CISD2: variants seen among roughly 807,000 people sequenced by gnomAD.
CISD2 encodes the protein CDGSH iron sulfur domain 2, also known as CDGSH iron-sulfur domain-containing protein 2.
Under a neutral mutation model 12.9 loss-of-function variants are expected in CISD2, and 1 was observed. That is an observed-to-expected ratio of 0.08 (90% CI 0.03 to 0.37). CISD2 has a LOEUF of 0.37. Ranked by LOEUF, CISD2 falls within the 10% of genes least tolerant of loss-of-function variation. The pLI, the probability that CISD2 is intolerant of heterozygous loss-of-function variation, is 0.99. For missense variants in CISD2, 97 were observed against 163.1 expected (o/e 0.59, Z 2.21); for synonymous variants, 50 against 60.6 (o/e 0.83, Z 0.81).
At position 102,892,667 on chromosome 4, in the gene CISD2, CA is replaced by C. The variant is rs1560911130; in HGVS notation, c.*5238del. On this transcript the variant is annotated 3_prime_UTR_variant, in exon 3 of 3. Coordinates refer to ENST00000273986, the MANE Select transcript of CISD2 (RefSeq NM_001008388.5). Reference sequence around the variant, plus strand: ...GAACACTGTTGTCAGATAGATCAGCCATAATGTTAACACATTTCTGATCTCT... The same window carrying C: ...GAACACTGTTGTCAGATAGATCAGCCTAATGTTAACACATTTCTGATCTCT... The C allele has an allele frequency of 6.6e-6, 1 of 152,076 alleles. No individual in the cohort carries two copies. The highest frequency in any genetic ancestry group is 2.4e-5 in the African/African-American group (1 of 41,398). The allele number at this position is 152,076 out of a possible 1,614,324, so 9.4% of individuals were successfully genotyped here.
chr4:102,879,566 G>C (rs1054884267), intron 1 of CISD2, among the ~76,000 whole-genome samples: 1 of 152,062 alleles, frequency 6.6e-6, no homozygotes, highest in Admixed American at 6.6e-5. Flanking sequence ...GCAGATGGGA[G>C]TTTGAGACCA....
intron 1 of CISD2, among the ~76,000 whole-genome samples, chr4:102,883,125 A>G (rs1312510671): frequency 6.6e-6 from 1 of 152,162 alleles, no homozygotes; most frequent in Non-Finnish European, 1.5e-5. Flanking sequence ...TGTGGAGACA[A>G]TTTAATTCCT....
chr4:102,874,260 C>G (rs1372821861), intron 1 of CISD2, among the ~76,000 whole-genome samples: 1 of 152,016 alleles, frequency 6.6e-6, no homozygotes, highest in Non-Finnish European at 1.5e-5. Flanking sequence ...CATATTCTTA[C>G]AACTGGGAGC....
intron 1 of CISD2, among the ~76,000 whole-genome samples, chr4:102,883,613 T>C (rs1001420760): frequency 3.9e-5 from 6 of 152,234 alleles, no homozygotes; most frequent in Admixed American, 1.3e-4. Context: ...ACAGATCTTA[T>C]ACCTAGGCCT....
chr4:102,884,146 C>G (rs567960568), intron 1 of CISD2, among the ~76,000 whole-genome samples: 4 of 152,212 alleles, frequency 2.6e-5, no homozygotes, highest in Admixed American at 1.3e-4. Context: ...TAACTGACAA[C>G]AGGCTTTGGA....
chr4:102,870,395 A>G (rs1049149155), intron 1 of CISD2, among the ~76,000 whole-genome samples: 1 of 152,088 alleles, frequency 6.6e-6, no homozygotes, highest in Non-Finnish European at 1.5e-5. Flanking sequence ...AACAAACAAA[A>G]AGACTCTGGT....
chr4:102,880,760 A>G (rs1733699584), intron 1 of CISD2, among the ~76,000 whole-genome samples: 1 of 152,170 alleles, frequency 6.6e-6, no homozygotes, highest in East Asian at 1.9e-4. Flanking sequence ...TGAGAGGCCA[A>G]GGTGGGTGGA....
intron 1 of CISD2, among the ~76,000 whole-genome samples, chr4:102,879,122 T>G (rs1003006770): frequency 1.3e-5 from 2 of 151,842 alleles, no homozygotes; most frequent in Admixed American, 1.3e-4. Context: ...ATGGGGGAGA[T>G]TGCCTTGATG....
chr4:102,872,683 T>G (rs929802317), intron 1 of CISD2, among the ~76,000 whole-genome samples: 1 of 151,818 alleles, frequency 6.6e-6, no homozygotes, highest in East Asian at 1.9e-4. Context: ...TTTTAGCTAT[T>G]ATTAAAAAAT....
intron 1 of CISD2, among the ~76,000 whole-genome samples, chr4:102,876,373 A>G (rs1029331656): frequency 6.6e-6 from 1 of 152,206 alleles, no homozygotes; most frequent in Non-Finnish European, 1.5e-5. Context: ...ATAGATATAA[A>G]TAAGACAGCT....
At chr4:102,879,707 G>C (rs1733671149) in intron 1 of CISD2, among the ~76,000 whole-genome samples, 1 of 152,108 alleles carries the variant, frequency 6.6e-6, no homozygotes, top group Non-Finnish European at 1.5e-5. Context: ...GGGAGGCAGA[G>C]GTTGCAGTGA....
chr4:102,880,941 G>A (rs1733704911), intron 1 of CISD2, among the ~76,000 whole-genome samples: 1 of 149,584 alleles, frequency 6.7e-6, no homozygotes, highest in South Asian at 2.1e-4. Context: ...ATTGCAGTGA[G>A]CTAACACGAC....
At chr4:102,882,109 T>C (rs1485953218) in intron 1 of CISD2, among the ~76,000 whole-genome samples, 1 of 152,146 alleles carries the variant, frequency 6.6e-6, no homozygotes, top group Non-Finnish European at 1.5e-5. Flanking sequence ...GGAGGATAGC[T>C]TGTGCCCGGG....
rs1734175040 is a variant in CISD2 at position 102,890,327 on chromosome 4, TC to T, written c.*2899del. On this transcript the variant is annotated 3_prime_UTR_variant, in exon 3 of 3. Coordinates refer to ENST00000273986, the MANE Select transcript of CISD2 (RefSeq NM_001008388.5). ...CTTCCTCATTGTGATTCCATAGTCT[TC>T]CAATAGAAATGTGCTGTCAGAATCT... is the stretch of plus-strand genomic sequence containing the variant. 1 of 152,206 alleles carries T rather than the reference TC, an allele frequency of 6.6e-6. No individual in the cohort carries two copies. Among genetic ancestry groups the T allele is most frequent in the East Asian group, 1.9e-4 (1 of 5,198 alleles). The allele number at this position is 152,206 out of a possible 1,614,324, so 9.4% of individuals were successfully genotyped here.
At chr4:102,870,512 G>T (rs1354656434) in intron 1 of CISD2, among the ~76,000 whole-genome samples, 1 of 152,148 alleles carries the variant, frequency 6.6e-6, no homozygotes, top group East Asian at 1.9e-4. Flanking sequence ...TGAGTGGATT[G>T]TGAGATTTTA....
rs1350279573 is a variant in CISD2, at chr4:102,891,922, T to C, written c.*4492T>C. ...CCTTTGCACCACAGAGGTTGGAGTATAGAATATGCCCAAAGCTGTTTTGTT... is the reference window on the plus strand; with the variant it reads ...CCTTTGCACCACAGAGGTTGGAGTACAGAATATGCCCAAAGCTGTTTTGTT... On this transcript the variant is annotated 3_prime_UTR_variant, in exon 3 of 3. Coordinates refer to ENST00000273986, the MANE Select transcript of CISD2 (RefSeq NM_001008388.5). The C allele has an allele frequency of 6.6e-6, 1 of 152,210 alleles. No homozygotes were observed. The highest frequency in any genetic ancestry group is 2.4e-5 in the African/African-American group (1 of 41,460). The allele number at this position is 152,210 out of a possible 1,614,324, so 9.4% of individuals were successfully genotyped here.
rs1207969816 is a variant in CISD2, at chr4:102,885,437, T to C, written c.318+7T>C. 6.2e-7 allele frequency: 1 copy of C among 1,611,500 alleles called. No homozygotes were observed. Among genetic ancestry groups the C allele is most frequent in the African/African-American group, 1.3e-5 (1 of 75,000 alleles). On this transcript the variant is annotated splice_region_variant and intron_variant, in intron 2 of 2. Coordinates refer to ENST00000273986, the MANE Select transcript of CISD2 (RefSeq NM_001008388.5). ...GTGTTGGCGTTCTAAAACGGTAAGA[T>C]GTCTGTTTACGTGTACACTAAAATT...
intron 1 of CISD2, 160 bp downstream of exon 1, chr4:102,869,347 G>C: frequency 1.1e-6 from 1 of 949,022 alleles, no homozygotes; most frequent in Non-Finnish European, 1.6e-6. Flanking sequence ...CAGCTGCCTG[G>C]GGAACGCCTG....
intron 1 of CISD2, among the ~76,000 whole-genome samples, chr4:102,879,365 G>T (rs936230359): frequency 6.6e-6 from 1 of 152,040 alleles, no homozygotes; most frequent in African/African-American, 2.4e-5. Context: ...AAAATCAGAA[G>T]GGGGGGATTG....
Sources: allele counts gnomAD v4.1 joint callset (sites outside exome capture counted in the v4.1 genomes callset), GRCh38; gene constraint gnomAD v4.1.1; transcripts MANE v1.5; gene names NCBI Gene and HGNC (gene_info 2026-07-23, HGNC 2026-07-21).